VMP1: variants seen among roughly 807,000 people sequenced by gnomAD.
The protein encoded by VMP1 is ectopic P-granules autophagy protein 3 homolog.
VMP1 carries 11 observed loss-of-function variants against 56.0 expected under a neutral mutation model. The observed-to-expected ratio is 0.20, with a 90% confidence interval of 0.12 to 0.32. The LOEUF (loss-of-function observed/expected upper bound fraction) is 0.32, where lower values mean the gene tolerates loss of function less well. Ranked by LOEUF, VMP1 falls within the 10% of genes least tolerant of loss-of-function variation. VMP1 has a pLI of 1.00. For synonymous variants in VMP1, 149 were observed against 165.0 expected (o/e 0.90, Z 0.74); for missense variants, 296 against 490.3 (o/e 0.60, Z 3.74).
At chr17:59,803,738 C>T (rs1418325805) in intron 7 of VMP1, among the ~76,000 whole-genome samples, 1 of 152,100 alleles carries the variant, frequency 6.6e-6, no homozygotes, top group Non-Finnish European at 1.5e-5. Context: ...CCCCACAATA[C>T]TCCAAAACTA....
intron 5 of VMP1, among the ~76,000 whole-genome samples, chr17:59,743,576 C>CTA (rs1185250498): frequency 1.4e-4 from 21 of 148,576 alleles, no homozygotes; most frequent in African/African-American, 4.9e-4. Context: ...CTCTCTCTCT[C>CTA]TCTCTATATA....
chr17:59,824,131 G>A (rs182403458), intron 10 of VMP1, among the ~76,000 whole-genome samples: 5 of 151,276 alleles, frequency 3.3e-5, no homozygotes, highest in East Asian at 2.0e-4. Context: ...GGCACCTGTC[G>A]TCCCAGCTAC....
chr17:59,798,410 G>C (rs1182021886), intron 7 of VMP1, among the ~76,000 whole-genome samples: 7 of 152,160 alleles, frequency 4.6e-5, no homozygotes, highest in Non-Finnish European at 1.0e-4. Flanking sequence ...ACCTACTACA[G>C]TCACAGCTGC....
At chr17:59,791,040 A>C (rs2037206242) in intron 7 of VMP1, among the ~76,000 whole-genome samples, 1 of 152,190 alleles carries the variant, frequency 6.6e-6, no homozygotes, top group African/African-American at 2.4e-5. Context: ...ACTTCGCATG[A>C]TGAAAGTCAC....
chr17:59,806,661 G>C (rs1248711827), intron 7 of VMP1, among the ~76,000 whole-genome samples: 1 of 147,774 alleles, frequency 6.8e-6, no homozygotes, highest in East Asian at 2.0e-4. Flanking sequence ...TTTGCAGTGA[G>C]CCAAGATCAT....
chr17:59,726,584 A>T (rs2034615659), intron 1 of VMP1, among the ~76,000 whole-genome samples: 2 of 152,160 alleles, frequency 1.3e-5, no homozygotes, highest in Admixed American at 1.3e-4. Context: ...ATGAGCCACC[A>T]CACCTGGCCA....
At chr17:59,757,409 AC>A (rs1434537525) in intron 5 of VMP1, among the ~76,000 whole-genome samples, 2 of 152,212 alleles carry the variant, frequency 1.3e-5, no homozygotes, top group Non-Finnish European at 2.9e-5. Context: ...AAAATTGATT[AC>A]ATAGAATTAG....
chr17:59,839,672 G>T, intron 11 of VMP1, 96 bp from the exon 12 acceptor site: 5 of 1,426,024 alleles, frequency 3.5e-6, no homozygotes, highest in Non-Finnish European at 4.7e-6. Flanking sequence ...TTTAGGTTTT[G>T]TAAGTTACAC....
At chr17:59,783,868 T>C (rs1471396551) in intron 7 of VMP1, among the ~76,000 whole-genome samples, 1 of 152,082 alleles carries the variant, frequency 6.6e-6, no homozygotes, top group Non-Finnish European at 1.5e-5. Flanking sequence ...CCACACAAAG[T>C]AACAAAAATA....
intron 7 of VMP1, among the ~76,000 whole-genome samples, chr17:59,778,206 C>T (rs1047692204): frequency 6.6e-6 from 1 of 152,114 alleles, no homozygotes; most frequent in African/African-American, 2.4e-5. Context: ...TCGAGGCTTT[C>T]CTCAAAGCCT....
At chr17:59,807,612 C>T (rs2037890320) in intron 7 of VMP1, among the ~76,000 whole-genome samples, 1 of 151,968 alleles carries the variant, frequency 6.6e-6, no homozygotes, top group Non-Finnish European at 1.5e-5. Context: ...GCGAGCTGAT[C>T]ACCTGAGGTC....
intron 1 of VMP1, among the ~76,000 whole-genome samples, chr17:59,720,552 G>T (rs1343326738): frequency 6.6e-6 from 1 of 152,072 alleles, no homozygotes; most frequent in Non-Finnish European, 1.5e-5. Flanking sequence ...GATTTTTTTG[G>T]AAAATTGTGA....
At chr17:59,830,244 GT>G (rs920821185) in intron 10 of VMP1, among the ~76,000 whole-genome samples, 1 of 151,950 alleles carries the variant, frequency 6.6e-6, no homozygotes, top group African/African-American at 2.4e-5. Context: ...TAAATTTTTT[GT>G]AGAGAGGAGG....
chr17:59,781,566 T>C (rs1411139245), intron 7 of VMP1, among the ~76,000 whole-genome samples: 1 of 152,176 alleles, frequency 6.6e-6, no homozygotes, highest in Non-Finnish European at 1.5e-5. Flanking sequence ...GTCTTTTCTC[T>C]ATAAATATTT....
chr17:59,783,534 T>A (rs2036899202), intron 7 of VMP1, among the ~76,000 whole-genome samples: 1 of 152,210 alleles, frequency 6.6e-6, no homozygotes, highest in African/African-American at 2.4e-5. Context: ...GATAGCTGTT[T>A]ATGTGCTTTG....
At chr17:59,752,042 G>T (rs568260044) in intron 5 of VMP1, among the ~76,000 whole-genome samples, 2 of 151,968 alleles carry the variant, frequency 1.3e-5, no homozygotes, top group Non-Finnish European at 2.9e-5. Flanking sequence ...CAAACTCCTC[G>T]GTTCAAGAGA....
chr17:59,816,841 G>C (rs554584777), intron 9 of VMP1, among the ~76,000 whole-genome samples: 1 of 151,940 alleles, frequency 6.6e-6, no homozygotes, highest in East Asian at 1.9e-4. Context: ...AGCTACTTGA[G>C]AGGCTGAGGT....
intron 10 of VMP1, among the ~76,000 whole-genome samples, chr17:59,831,245 T>A (rs1189324035): frequency 1.3e-5 from 2 of 152,164 alleles, no homozygotes; most frequent in Non-Finnish European, 2.9e-5. Context: ...AATCCTAGCT[T>A]ACTTTAACCT....
chr17:59,811,805 T>A lies in VMP1; in HGVS notation c.912+19T>A, dbSNP rs1437668290. 4.8e-6 allele frequency: 7 copies of A among 1,461,338 alleles called. No homozygotes were observed. In the East Asian group the frequency reaches 9.1e-5, roughly 19 times the overall value. The allele number at this position is 1,461,338 out of a possible 1,614,324, so 90.5% of individuals were successfully genotyped here. On this transcript the variant is annotated intron_variant, in intron 9 of 11. Transcript: ENST00000262291. ...TATCCAGGTAATTATACCCCCTGAT[T>A]CACTGCCTAATGATGATGAACCCAT... is the stretch of plus-strand genomic sequence containing the variant.
Sources: gnomAD v4.1 joint callset for allele counts (sites outside exome capture counted in the v4.1 genomes callset) on GRCh38, gnomAD v4.1.1 for gene constraint, MANE v1.5 for transcripts, NCBI Gene and HGNC (gene_info 2026-07-23, HGNC 2026-07-21) for gene names.